The following USP30 variants were observed in gnomAD, a reference collection of about 807,000 sequenced individuals.
The protein encoded by USP30 is ubiquitin carboxyl-terminal hydrolase 30.
USP30 carries 41 observed loss-of-function variants against 68.2 expected under a neutral mutation model. That is an observed-to-expected ratio of 0.60 (90% CI 0.47 to 0.78). The LOEUF (loss-of-function observed/expected upper bound fraction) is 0.78, where lower values mean the gene tolerates loss of function less well. USP30 is among the 30% of genes least tolerant of loss of function. The pLI is 0.00. For missense variants in USP30, 522 were observed against 649.4 expected (o/e 0.80, Z 2.13); for synonymous variants, 229 against 253.7 (o/e 0.90, Z 0.93).
intron 3 of USP30, among the ~76,000 whole-genome samples, chr12:109,031,959 A>T (rs2040485276): frequency 6.6e-6 from 1 of 151,854 alleles, no homozygotes; most frequent in Non-Finnish European, 1.5e-5. Context: ...TTAATTAGTC[A>T]GGTGTCATGG....
intron 3 of USP30, among the ~76,000 whole-genome samples, chr12:109,038,592 G>A (rs1362089495): frequency 6.6e-6 from 1 of 152,126 alleles, no homozygotes; most frequent in Non-Finnish European, 1.5e-5. Flanking sequence ...CAAACAGTCT[G>A]TGTGGGCTTA....
rs1286310122 is a variant in USP30 at position 109,070,142 on chromosome 12, C to CT, written c.481-1469dup. On this transcript the variant is annotated intron_variant, in intron 4 of 12. Transcript: ENST00000257548. This position sits in a 1 kb window ranked among gnomAD's most constrained non-coding sequence, Gnocchi z 4.0. ...GATCTGACTTGTTAGAAAAGGAAGG[C>CT]TGGAGGGGCAAGAATGCAAGCCGAG... Among the ~76,000 whole-genome samples, 2 of 152,032 alleles carry CT rather than the reference C, an allele frequency of 1.3e-5. No individual in the cohort carries two copies. The highest frequency in any genetic ancestry group is 4.8e-5 in the African/African-American group (2 of 41,372).
upstream of USP30, among the ~76,000 whole-genome samples, chr12:109,047,867 C>A (rs973341598): frequency 6.6e-6 from 1 of 152,066 alleles, no homozygotes; most frequent in African/African-American, 2.4e-5. Flanking sequence ...TTAGTATTCA[C>A]CCAGCCAGCT....
At position 109,082,921 on chromosome 12, in the gene USP30, G is replaced by A. The variant is rs775161916; in HGVS notation, c.1027G>A (p.Val343Met). Reference sequence around the variant, plus strand: ...CACGCCTCTGAAGCGGCATGAGCACGTGCAGTTCAATGAGTTCCTGATGAT... The same window carrying A: ...CACGCCTCTGAAGCGGCATGAGCACATGCAGTTCAATGAGTTCCTGATGAT... ...HGTPLKRHEH[V>M]QFNEFLMMDI... Residue 343 changes from valine (V) to methionine (M), a missense_variant, in exon 11 of 13, where the codon GTG becomes ATG. Val to Met is a conservative substitution (Grantham distance 21). Transcript: ENST00000257548. The A allele has an allele frequency of 8.1e-6, 13 of 1,614,114 alleles. No homozygotes were observed. Among genetic ancestry groups the A allele is most frequent in the Admixed American group, 3.3e-5 (2 of 60,010 alleles).
intron 3 of USP30, among the ~76,000 whole-genome samples, chr12:109,040,343 A>G (rs2040555227): frequency 6.6e-6 from 1 of 152,216 alleles, no homozygotes; most frequent in Non-Finnish European, 1.5e-5. Context: ...GGGGCCTGGA[A>G]CCCACACTTT....
chr12:109,072,286 T>G lies in USP30; in HGVS notation c.580-19T>G, dbSNP rs777778730. 4 of 1,612,704 alleles carry G rather than the reference T, an allele frequency of 2.5e-6. No homozygotes were observed. The East Asian group carries it at 8.9e-5, about 36-fold the overall frequency. On this transcript the variant is annotated intron_variant, in intron 5 of 12. Transcript: ENST00000257548. ...TATAGTAAGGTTTTCAGTCTGTTTTTTTTTTTTCTCCCCTACAGCAGCAGT... is the reference window on the plus strand; with the variant it reads ...TATAGTAAGGTTTTCAGTCTGTTTTGTTTTTTTCTCCCCTACAGCAGCAGT...
rs375521369 is a variant in USP30, at chr12:109,082,687, G to A, written c.892G>A (p.Gly298Arg). 4.6e-5 allele frequency: 75 copies of A among 1,614,062 alleles called. 1 individual carries two copies. The highest frequency in any genetic ancestry group is 6.7e-5 in the East Asian group (3 of 44,906). Residue 298 changes from glycine to arginine, a missense_variant, in exon 10 of 13, where the codon GGG becomes AGG. Coordinates refer to ENST00000257548, the MANE Select transcript of USP30 (RefSeq NM_032663.5). ...GATTGAAGCCAAGGGAACGTTGAAC[G>A]GGGAAAAGGTGGAACACCAGAGGAC... ...TKIEAKGTLN[G>R]EKVEHQRTTF... is the part of the protein sequence containing the mutation.
rs200368521 is a variant in USP30, at chr12:109,077,965, A to AT, written c.721-3368dup. Among the ~76,000 whole-genome samples, 669 of 152,304 alleles carry AT rather than the reference A, an allele frequency of 4.4e-3. 23 individuals are homozygous for AT. The highest frequency in any genetic ancestry group is 0.042 in the Admixed American group (638 of 15,286). On this transcript the variant is annotated intron_variant, in intron 7 of 12. Transcript: ENST00000257548. ...CTGTTACCCCAGCCTTTGTGCTATTATACATACATTATAAACCTCACAATA... is the reference window on the plus strand; with the variant it reads ...CTGTTACCCCAGCCTTTGTGCTATTATTACATACATTATAAACCTCACAATA...
intron 8 of USP30, 128 bp downstream of exon 8, chr12:109,081,521 T>C: frequency 1.1e-6 from 1 of 913,146 alleles, no homozygotes; most frequent in Admixed American, 2.3e-5. Flanking sequence ...GAACCCTCTC[T>C]TAACTTTCAT....
In USP30 at chr12:109,041,630, A is replaced by G. The variant is rs941814231; in HGVS notation, c.-135-5960A>G. Among the ~76,000 whole-genome samples, 38 of 151,890 alleles carry G rather than the reference A, an allele frequency of 2.5e-4. 1 individual carries two copies. Among genetic ancestry groups the G allele is most frequent in the African/African-American group, 8.9e-4 (37 of 41,442 alleles). ...AGCCTGGGTGACAGAGCGAAACTCC[A>G]TTTCAAAAAAAAAAAGAAAAAAGAA... On this transcript the variant is annotated intron_variant, in intron 3 of 15. Transcript: ENST00000392784.
Position 109,052,618 on chromosome 12 carries a change from G to C in USP30, c.-61G>C, listed in dbSNP as rs2040694915. ...TGTCTCGGGAACCGTCGTATCCCTC[G>C]GTCCGGCGGCGGCGGCGGCGGTAGC... On this transcript the variant is annotated 5_prime_UTR_variant, in exon 1 of 13. Transcript: ENST00000257548. The C allele has an allele frequency of 5.0e-6, 7 of 1,410,780 alleles. No individual in the cohort carries two copies. The highest frequency in any genetic ancestry group is 2.2e-4 in the Middle Eastern group (1 of 4,476). 87.4% of individuals were successfully genotyped at this position (1,410,780 alleles called of 1,614,324 possible).
chr12:109,031,740 A>C lies in USP30; in HGVS notation c.-136+4184A>C, dbSNP rs551099373. Among the ~76,000 whole-genome samples, 12 of 152,352 alleles carry C rather than the reference A, an allele frequency of 7.9e-5. No individual in the cohort carries two copies. The East Asian group carries it at 2.1e-3, about 27-fold the overall frequency. The stretch of plus-strand genomic sequence containing the variant: ...TGAAAACATTATGCTTAGTGAGATA[A>C]GCCAGTAACAACAAAAAAATATTGC... On this transcript the variant is annotated intron_variant, in intron 3 of 15. Coordinates refer to the USP30 transcript ENST00000392784.
chr12:109,082,778 T>C (rs1293743388), intron 10 of USP30, 35 bp downstream of exon 10: 1 of 1,611,540 alleles, frequency 6.2e-7, no homozygotes, highest in Non-Finnish European at 8.5e-7. Flanking sequence ...TGGCTTTGTT[T>C]TGAGGACTCC....
chr12:109,085,099 C>A, intron 12 of USP30, 26 bp downstream of exon 12: 1 of 1,498,864 alleles, frequency 6.7e-7, no homozygotes, highest in South Asian at 1.4e-5. Flanking sequence ...CAAGCCCCAT[C>A]TTAGAGCTAC....
At chr12:109,079,351 CTTTTTTTTTTTTTT>C (rs71079521) in intron 7 of USP30, among the ~76,000 whole-genome samples, 3 of 48,796 alleles carry the variant, frequency 6.1e-5, no homozygotes, top group East Asian at 6.6e-4. Flanking sequence ...TTTTTTTTTT[CTTTTTTTTTTTTTT>C]TTTTTTTTTT....
chr12:109,087,852 C>A lies in USP30; in HGVS notation c.*1921C>A. The A allele has an allele frequency of 5.8e-6, 1 of 173,280 alleles. No homozygotes were observed. The highest frequency in any genetic ancestry group is 1.2e-5 in the Non-Finnish European group (1 of 81,694). 10.7% of individuals were successfully genotyped at this position (173,280 alleles called of 1,614,324 possible). A position where few individuals can be genotyped will look rare whatever the true frequency, so the allele number is the denominator to read the frequency against. On this transcript the variant is annotated 3_prime_UTR_variant, in exon 13 of 13. Coordinates refer to ENST00000257548, the MANE Select transcript of USP30 (RefSeq NM_032663.5). ...TAAATTATTATGCATTAAGTAGCAGCCCAATAATCTGATTTCTAGTTTTAT... is the reference window on the plus strand; with the variant it reads ...TAAATTATTATGCATTAAGTAGCAGACCAATAATCTGATTTCTAGTTTTAT...
chr12:109,051,256 T>A (rs1292201312), upstream of USP30, among the ~76,000 whole-genome samples: 1 of 141,646 alleles, frequency 7.1e-6, no homozygotes, highest in African/African-American at 2.6e-5. Flanking sequence ...TTGCTTTTTT[T>A]TTTTTTTTTT....
upstream of USP30, among the ~76,000 whole-genome samples, chr12:109,049,769 T>C (rs566425638): frequency 1.8e-3 from 276 of 152,034 alleles, 1 homozygote; most frequent in African/African-American, 6.4e-3. Context: ...TGAGCCAAGA[T>C]TGCGCCACTG....
intron 11 of USP30, among the ~76,000 whole-genome samples, chr12:109,084,158 T>G (rs2041882262): frequency 1.3e-5 from 2 of 152,068 alleles, no homozygotes; most frequent in African/African-American, 4.8e-5. Context: ...AACCCAGATG[T>G]TTGAGGCTGC....
Sources: gnomAD v4.1 joint callset for allele counts (sites outside exome capture counted in the v4.1 genomes callset) on GRCh38, gnomAD v4.1.1 for gene constraint, Gnocchi (gnomAD v3.1) non-coding constraint, MANE v1.5 for transcripts, NCBI Gene and HGNC (gene_info 2026-07-23, HGNC 2026-07-21) for gene names.